Variants in ENAH observed in about 807,000 individuals in gnomAD.
ENAH encodes protein enabled homolog.
A neutral mutation model predicts 78.7 loss-of-function variants in ENAH; 23 were observed. The observed-to-expected ratio is 0.29, with a 90% CI of 0.21 to 0.41. ENAH has a LOEUF of 0.41. ENAH is among the 10% of genes least tolerant of loss of function. ENAH has a pLI of 1.00. For synonymous variants in ENAH, 226 were observed against 241.0 expected (o/e 0.94, Z 0.58); for missense variants, 544 against 691.0 (o/e 0.79, Z 2.39).
intron 1 of ENAH, among the ~76,000 whole-genome samples, chr1:225,600,891 GAAAA>G (rs2096927284): frequency 6.6e-6 from 1 of 151,792 alleles, no homozygotes; most frequent in Admixed American, 6.6e-5. Flanking sequence ...CTAAAAAAAA[GAAAA>G]AGAAAGAATA....
In ENAH at chr1:225,652,987, C is replaced by G; in HGVS notation, c.-297G>C. On this transcript the variant is annotated 5_prime_UTR_variant, in exon 1 of 14. Coordinates refer to ENST00000366843, the MANE Select transcript of ENAH (RefSeq NM_018212.6). ...CTCCTCGTGGTCCTGCTCCTCCTCC[C>G]GGAGCTTCCTCGGCCGCCCTCTGAG... The G allele has an allele frequency of 3.2e-6, 1 of 310,510 alleles. No individual in the cohort carries two copies. Among genetic ancestry groups the G allele is most frequent in the Non-Finnish European group, 5.9e-6 (1 of 169,876 alleles). The allele number at this position is 310,510 out of a possible 1,614,324, so 19.2% of individuals were successfully genotyped here.
intron 1 of ENAH, among the ~76,000 whole-genome samples, chr1:225,604,690 G>A (rs2096947972): frequency 6.6e-6 from 1 of 151,898 alleles, no homozygotes; most frequent in Admixed American, 6.6e-5. Context: ...CTACTTGGGA[G>A]GCTGAGGCAG....
chr1:225,591,935 G>C (rs1228984232), intron 1 of ENAH, among the ~76,000 whole-genome samples: 1 of 152,160 alleles, frequency 6.6e-6, no homozygotes, highest in Admixed American at 6.5e-5. Context: ...TTCTGGCTCT[G>C]TCATTTCCTA....
intron 1 of ENAH, among the ~76,000 whole-genome samples, chr1:225,627,615 C>T (rs1006110100): frequency 4.1e-4 from 62 of 152,132 alleles, no homozygotes; most frequent in Non-Finnish European, 8.8e-4. Context: ...GTCCCCTGAC[C>T]CTCCTTCTAT....
chr1:225,587,261 G>A (rs1464668213), intron 1 of ENAH, among the ~76,000 whole-genome samples: 2 of 152,116 alleles, frequency 1.3e-5, no homozygotes, highest in African/African-American at 2.4e-5. Flanking sequence ...TGCAGATGAC[G>A]AATTGCTGCT....
rs2096238146 is a variant in ENAH at position 225,494,127 on chromosome 1, G to A, written c.*3648C>T. On this transcript the variant is annotated 3_prime_UTR_variant, in exon 14 of 14. Transcript: ENST00000366843. The stretch of plus-strand genomic sequence containing the variant: ...CTGTAACTCTGTAATGGCTGCAAAT[G>A]TTAATGAATATTGGGAACACGCGGT... 1 of 144,976 alleles carries A rather than the reference G, an allele frequency of 6.9e-6. No homozygotes were observed. Among genetic ancestry groups the A allele is most frequent in the African/African-American group, 2.5e-5 (1 of 39,370 alleles). The allele number at this position is 144,976 out of a possible 1,614,324, so 9.0% of individuals were successfully genotyped here.
chr1:225,538,619 C>T lies in ENAH; in HGVS notation c.350-7981G>A, dbSNP rs554335637. Among the ~76,000 whole-genome samples, 12 of 151,264 alleles carry T rather than the reference C, an allele frequency of 7.9e-5. No homozygotes were observed. In the East Asian group the frequency reaches 2.1e-3, roughly 27 times the overall value. On this transcript the variant is annotated intron_variant, in intron 3 of 13. Coordinates refer to ENST00000366843, the MANE Select transcript of ENAH (RefSeq NM_018212.6). ...TGTATATATGATTGGGTTTTTTTCC[C>T]ATCCTTTATTTCTTGCAATCCTCTC...
intron 1 of ENAH, among the ~76,000 whole-genome samples, chr1:225,607,787 A>C (rs545169959): frequency 8.5e-4 from 130 of 152,284 alleles, no homozygotes; most frequent in African/African-American, 2.9e-3. Context: ...TAGACAGGAA[A>C]ACAAAACAGC....
intron 4 of ENAH, among the ~76,000 whole-genome samples, chr1:225,526,406 T>A (rs1575412422): frequency 6.6e-6 from 1 of 151,720 alleles, no homozygotes; most frequent in Admixed American, 6.6e-5. Context: ...TGGCACGATC[T>A]CAGCTCATTG....
chr1:225,575,585 A>G (rs2096784192), intron 1 of ENAH, among the ~76,000 whole-genome samples: 2 of 152,202 alleles, frequency 1.3e-5, no homozygotes, highest in African/African-American at 2.4e-5. Context: ...AACTACAGCA[A>G]TAACACGCCT....
chr1:225,520,708 C>T (rs562734142), intron 4 of ENAH, among the ~76,000 whole-genome samples: 1 of 151,802 alleles, frequency 6.6e-6, no homozygotes, highest in East Asian at 2.0e-4. Context: ...ATTTTAAAAT[C>T]AGCCAGGCAT....
At chr1:225,581,005 C>A (rs1048143629) in intron 1 of ENAH, among the ~76,000 whole-genome samples, 19 of 121,368 alleles carry the variant, frequency 1.6e-4, no homozygotes, top group Non-Finnish European at 3.4e-4. Flanking sequence ...TCAGATTCTT[C>A]GTCTGGCCAC....
At chr1:225,573,730 G>A (rs950135406) in intron 1 of ENAH, among the ~76,000 whole-genome samples, 4 of 152,278 alleles carry the variant, frequency 2.6e-5, no homozygotes, top group Middle Eastern at 3.4e-3. Context: ...CAATCAAAAG[G>A]AGGAAAAAAA....
intron 1 of ENAH, among the ~76,000 whole-genome samples, chr1:225,615,916 A>T (rs1017891423): frequency 6.6e-6 from 1 of 152,228 alleles, no homozygotes; most frequent in African/African-American, 2.4e-5. Flanking sequence ...AAAGAAAGAG[A>T]AATCAGATTG....
At chr1:225,649,738 TA>T (rs1401301857) in intron 1 of ENAH, among the ~76,000 whole-genome samples, 1 of 152,220 alleles carries the variant, frequency 6.6e-6, no homozygotes, top group African/African-American at 2.4e-5. Flanking sequence ...TTCAGGAACA[TA>T]AACTATTATT....
At chr1:225,572,863 C>T (rs1354401623) in intron 1 of ENAH, among the ~76,000 whole-genome samples, 1 of 152,018 alleles carries the variant, frequency 6.6e-6, no homozygotes, top group African/African-American at 2.4e-5. Flanking sequence ...GTTAATTATA[C>T]TTCATCTTCT....
At chr1:225,640,893 C>CTTTT (rs61440195) in intron 1 of ENAH, among the ~76,000 whole-genome samples, 3 of 130,970 alleles carry the variant, frequency 2.3e-5, no homozygotes, top group South Asian at 2.4e-4. Flanking sequence ...CAAGTACATA[C>CTTTT]TTTTTTTTTT....
At chr1:225,590,760 C>A (rs2096871856) in intron 1 of ENAH, among the ~76,000 whole-genome samples, 1 of 152,168 alleles carries the variant, frequency 6.6e-6, no homozygotes, top group African/African-American at 2.4e-5. Context: ...CCACTCTGTT[C>A]CACTGTGCCA....
chr1:225,554,728 C>T (rs2096658113), intron 3 of ENAH, among the ~76,000 whole-genome samples, 178 bp downstream of exon 3: 1 of 152,196 alleles, frequency 6.6e-6, no homozygotes, highest in Non-Finnish European at 1.5e-5. Context: ...AAAAAGTTCA[C>T]ATTTCTATAG....
Sources: gnomAD v4.1 joint callset for allele counts (sites outside exome capture counted in the v4.1 genomes callset) on GRCh38, gnomAD v4.1.1 for gene constraint, MANE v1.5 for transcripts, NCBI Gene and HGNC (gene_info 2026-07-23, HGNC 2026-07-21) for gene names.